The following KHDRBS2 variants were observed in gnomAD, a reference collection of about 807,000 sequenced individuals.
KHDRBS2 encodes KH domain-containing, RNA-binding, signal transduction-associated protein 2.
In KHDRBS2, 26 loss-of-function variants were observed where a neutral mutation model predicts 44.3. The observed-to-expected ratio is 0.59, with a 90% CI of 0.43 to 0.81. KHDRBS2 has a LOEUF of 0.81. Ranked by LOEUF, KHDRBS2 falls within the 40% of genes least tolerant of loss-of-function variation. KHDRBS2 has a pLI of 0.00. For missense variants in KHDRBS2, 476 were observed against 433.1 expected (o/e 1.10, Z -0.88); for synonymous variants, 194 against 151.1 (o/e 1.28, Z -2.08).
chr6:62,118,064 C>T (rs1311663159), intron 2 of KHDRBS2, among the ~76,000 whole-genome samples: 1 of 152,192 alleles, frequency 6.6e-6, no homozygotes, highest in Non-Finnish European at 1.5e-5. Flanking sequence ...GCGTGAGCCA[C>T]CGCGTCTGGC....
intron 5 of KHDRBS2, 50 bp from the exon 6 acceptor site, chr6:61,894,883 G>C (rs1802649622): frequency 7.4e-7 from 1 of 1,352,206 alleles, no homozygotes; most frequent in African/African-American, 1.5e-5. Flanking sequence ...TGAGAGAAAA[G>C]GGCCTATCAC....
At chr6:62,102,978 T>C (rs958013194) in intron 2 of KHDRBS2, among the ~76,000 whole-genome samples, 1 of 152,102 alleles carries the variant, frequency 6.6e-6, no homozygotes, top group Non-Finnish European at 1.5e-5. Flanking sequence ...AGATCCGAAG[T>C]GTGTACCTCC....
In KHDRBS2 at chr6:61,701,073, C is replaced by A. The variant is rs551236280; in HGVS notation, c.894-3820G>T. 9.2e-5 allele frequency among the ~76,000 whole-genome samples: 14 copies of A among 151,892 alleles called. No individual in the cohort carries two copies. In the South Asian group the frequency reaches 2.9e-3, roughly 32 times the overall value. ...GGTGGTGGGTGCAAAGAAAAAAATA[C>A]TTTAGGGTGAAAAACTGATGGCCCT... On this transcript the variant is annotated intron_variant, in intron 7 of 8. Coordinates refer to ENST00000281156, the MANE Select transcript of KHDRBS2 (RefSeq NM_152688.4).
At chr6:61,583,073 A>G in the KHDRBS2 span, among the ~76,000 whole-genome samples, 1 of 151,816 alleles carries the variant, frequency 6.6e-6, no homozygotes, top group Non-Finnish European at 1.5e-5. Context: ...TCACTCTCAT[A>G]GGAAAATAGG....
At chr6:62,017,630 C>A (rs180765298) in intron 3 of KHDRBS2, among the ~76,000 whole-genome samples, 19 of 152,058 alleles carry the variant, frequency 1.2e-4, no homozygotes, top group Admixed American at 9.2e-4. Flanking sequence ...ATGAGATGAT[C>A]TTTTTTCCCC....
chr6:61,894,083 C>T (rs78776388), intron 6 of KHDRBS2, among the ~76,000 whole-genome samples: 10,222 of 151,934 alleles, frequency 0.067, 407 homozygotes, highest in Middle Eastern at 0.13. Flanking sequence ...CCAAAAGATA[C>T]AGTAGATAGG....
At chr6:61,570,378 A>T in the KHDRBS2 span, among the ~76,000 whole-genome samples, 2 of 151,932 alleles carry the variant, frequency 1.3e-5, no homozygotes. Context: ...ACAAAGAAGA[A>T]AGAATTTTAA....
chr6:61,686,619 T>C (rs1582157851), intron 8 of KHDRBS2, among the ~76,000 whole-genome samples: 1 of 151,722 alleles, frequency 6.6e-6, no homozygotes, highest in East Asian at 1.9e-4. Context: ...CTAGGTGTTT[T>C]GTGTATATTA....
chr6:62,027,226 A>G (rs1562672451), intron 3 of KHDRBS2, among the ~76,000 whole-genome samples: 1 of 152,104 alleles, frequency 6.6e-6, no homozygotes, highest in African/African-American at 2.4e-5. Flanking sequence ...AAACATTATC[A>G]TTATAAAATT....
At chr6:61,817,088 A>G in intron 6 of KHDRBS2, 1 of 395,990 alleles carries the variant, frequency 2.5e-6, no homozygotes, top group South Asian at 1.8e-5. Flanking sequence ...CTTTCCACAA[A>G]GCAATCACAT....
chr6:62,191,920 C>CT (rs943273769), intron 1 of KHDRBS2, among the ~76,000 whole-genome samples: 20 of 152,038 alleles, frequency 1.3e-4, no homozygotes, highest in Non-Finnish European at 2.4e-4. Context: ...TTTAAAAAAA[C>CT]TTTTTTTAAC....
intron 4 of KHDRBS2, among the ~76,000 whole-genome samples, chr6:61,944,759 A>G (rs563938093): frequency 5.2e-4 from 79 of 152,192 alleles, no homozygotes; most frequent in African/African-American, 1.8e-3. Flanking sequence ...AAATACTCAC[A>G]TGGACCCTAT....
chr6:61,772,497 C>G (rs913943428), intron 6 of KHDRBS2, among the ~76,000 whole-genome samples: 2 of 152,170 alleles, frequency 1.3e-5, no homozygotes, highest in Admixed American at 1.3e-4. Flanking sequence ...ACCGATCCCA[C>G]AGAAATACAA....
At chr6:61,780,540 G>A (rs1782779939) in intron 6 of KHDRBS2, among the ~76,000 whole-genome samples, 1 of 145,454 alleles carries the variant, frequency 6.9e-6, no homozygotes, top group Admixed American at 6.9e-5. Flanking sequence ...AAAACAAACA[G>A]CAAAAAACAC....
chr6:61,604,801 A>T, the KHDRBS2 span, among the ~76,000 whole-genome samples: 6 of 152,116 alleles, frequency 3.9e-5, no homozygotes, highest in Non-Finnish European at 7.4e-5. Flanking sequence ...CTTTCACTGG[A>T]TGTGTAGAGG....
At chr6:62,268,541 A>G (rs1175206569) in intron 1 of KHDRBS2, among the ~76,000 whole-genome samples, 1 of 152,108 alleles carries the variant, frequency 6.6e-6, no homozygotes, top group African/African-American at 2.4e-5. Context: ...GTCTACAAGT[A>G]CATCTACTCT....
the KHDRBS2 span, among the ~76,000 whole-genome samples, chr6:61,650,409 GTT>G: frequency 8.1e-4 from 120 of 148,816 alleles, no homozygotes; most frequent in Middle Eastern, 3.5e-3. Context: ...TTAAAAAAAT[GTT>G]TTTTTTTTTT....
rs185705233 is a variant in KHDRBS2 at position 62,068,114 on chromosome 6, A to T, written c.220-20120T>A. ...GTTTAACATTTTGAAGAAGCATCCA[A>T]TTGTTTTCCAAAGTGGCTGCAAGAT... On this transcript the variant is annotated intron_variant, in intron 2 of 8. Transcript: ENST00000281156. 6.6e-5 allele frequency among the ~76,000 whole-genome samples: 10 copies of T among 151,554 alleles called. 1 individual carries two copies. The East Asian group carries it at 2.0e-3, about 30-fold the overall frequency.
At chr6:61,603,895 T>C in the KHDRBS2 span, among the ~76,000 whole-genome samples, 1 of 152,080 alleles carries the variant, frequency 6.6e-6, no homozygotes, top group Non-Finnish European at 1.5e-5. Flanking sequence ...CATATTTCCT[T>C]CTTTCCTGTT....
Sources: allele counts gnomAD v4.1 joint callset (sites outside exome capture counted in the v4.1 genomes callset), GRCh38; gene constraint gnomAD v4.1.1; transcripts MANE v1.5; gene names NCBI Gene and HGNC (gene_info 2026-07-23, HGNC 2026-07-21).